The following HYCC1 variants were observed in gnomAD, a reference collection of about 807,000 sequenced individuals.
HYCC1 encodes the protein hyccin PI4KA lipid kinase complex subunit 1.
chr7:22,978,395 C>T, the HYCC1 span: 23 of 1,613,940 alleles, frequency 1.4e-5, no homozygotes, highest in South Asian at 4.4e-5. Flanking sequence ...GAAGCAACTG[C>T]TCCTCTCCAC....
At chr7:23,010,269 C>T in the HYCC1 span, among the ~76,000 whole-genome samples, 1 of 152,182 alleles carries the variant, frequency 6.6e-6, no homozygotes, top group Non-Finnish European at 1.5e-5. Context: ...CCATTCACTT[C>T]TATCTCCTCA....
At chr7:23,002,139 TA>T in the HYCC1 span, among the ~76,000 whole-genome samples, 1 of 8,460 alleles carries the variant, frequency 1.2e-4, no homozygotes, top group African/African-American at 6.5e-4. Flanking sequence ...AAAAATTGTA[TA>T]TATATATATA....
the HYCC1 span, among the ~76,000 whole-genome samples, chr7:22,961,870 TGC>T: frequency 2.0e-5 from 3 of 152,010 alleles, no homozygotes; most frequent in African/African-American, 7.3e-5. Context: ...TGTGTGTGTG[TGC>T]ATGTGTGAGT....
At chr7:23,010,301 T>C in the HYCC1 span, among the ~76,000 whole-genome samples, 1 of 152,204 alleles carries the variant, frequency 6.6e-6, no homozygotes, top group Non-Finnish European at 1.5e-5. Context: ...CCAATAATTA[T>C]CTCATTTCCT....
the HYCC1 span, among the ~76,000 whole-genome samples, chr7:22,962,875 A>T: frequency 6.6e-6 from 1 of 151,424 alleles, no homozygotes; most frequent in Non-Finnish European, 1.5e-5. Flanking sequence ...ACCTATCTGC[A>T]GTGGAGGCAT....
chr7:22,978,763 A>G, the HYCC1 span, among the ~76,000 whole-genome samples: 1 of 152,128 alleles, frequency 6.6e-6, no homozygotes, highest in South Asian at 2.1e-4. Flanking sequence ...GGGCTAAATA[A>G]CTACAGACTC....
chr7:22,919,669 T>C, the HYCC1 span, among the ~76,000 whole-genome samples: 1 of 151,506 alleles, frequency 6.6e-6, no homozygotes, highest in Non-Finnish European at 1.5e-5. Context: ...AATGAAAATT[T>C]AATAGAGGGG....
chr7:22,918,446 G>T, the HYCC1 span, among the ~76,000 whole-genome samples: 1 of 151,870 alleles, frequency 6.6e-6, no homozygotes, highest in Non-Finnish European at 1.5e-5. Flanking sequence ...AGCAGCCCTG[G>T]GAAACATGGC....
chr7:22,996,342 C>G, the HYCC1 span, among the ~76,000 whole-genome samples: 10 of 150,832 alleles, frequency 6.6e-5, no homozygotes, highest in East Asian at 1.9e-3. Context: ...AAAATGAATC[C>G]TGAAATATCA....
At chr7:22,946,069 C>G in the HYCC1 span, 15 of 1,613,522 alleles carry the variant, frequency 9.3e-6, no homozygotes, top group Admixed American at 1.7e-4. Flanking sequence ...TTGATAAACC[C>G]GACTGGCTGG....
At chr7:22,968,424 A>G in the HYCC1 span, among the ~76,000 whole-genome samples, 1 of 152,212 alleles carries the variant, frequency 6.6e-6, no homozygotes, top group Non-Finnish European at 1.5e-5. Context: ...AGCAACTTGA[A>G]CACATTGGAA....
chr7:22,968,768 C>A, the HYCC1 span, among the ~76,000 whole-genome samples: 1 of 152,108 alleles, frequency 6.6e-6, no homozygotes, highest in East Asian at 1.9e-4. Flanking sequence ...GCAGATGGAT[C>A]ACAAGGTCAG....
the HYCC1 span, chr7:22,940,764 C>G: frequency 2.0e-5 from 3 of 151,696 alleles, no homozygotes; most frequent in Admixed American, 2.0e-4. Flanking sequence ...TATCTAGGTA[C>G]TAGGGGCATA....
At chr7:22,938,445 C>A in the HYCC1 span, 1 of 152,174 alleles carries the variant, frequency 6.6e-6, no homozygotes, top group Non-Finnish European at 1.5e-5. Flanking sequence ...GACACACAAC[C>A]AAATCAAGGT....
the HYCC1 span, among the ~76,000 whole-genome samples, chr7:22,965,094 A>G: frequency 6.6e-6 from 1 of 150,958 alleles, no homozygotes; most frequent in Admixed American, 6.6e-5. Context: ...AGATCGAGCC[A>G]CTGCACTCCA....
At chr7:22,930,172 T>C in the HYCC1 span, among the ~76,000 whole-genome samples, 3 of 112,554 alleles carry the variant, frequency 2.7e-5, no homozygotes, top group South Asian at 2.9e-4. Context: ...AAGGGGAACA[T>C]CACACACCGG....
the HYCC1 span, among the ~76,000 whole-genome samples, chr7:22,960,739 G>T: frequency 5.9e-5 from 9 of 152,210 alleles, no homozygotes; most frequent in Non-Finnish European, 1.2e-4. Flanking sequence ...AGGTGTCTAG[G>T]AAGTCAGTCT....
the HYCC1 span, among the ~76,000 whole-genome samples, chr7:22,948,249 C>T: frequency 1.3e-5 from 2 of 152,040 alleles, no homozygotes; most frequent in African/African-American, 4.8e-5. Context: ...CTGTAGACCA[C>T]AAACCTGCTT....
At chr7:22,902,756 CA>C in the HYCC1 span, among the ~76,000 whole-genome samples, 1 of 151,856 alleles carries the variant, frequency 6.6e-6, no homozygotes, top group Non-Finnish European at 1.5e-5. Flanking sequence ...AAATCATGTA[CA>C]AAAATTAAGG....
Sources: allele counts gnomAD v4.1 joint callset (sites outside exome capture counted in the v4.1 genomes callset), GRCh38; gene constraint gnomAD v4.1.1; transcripts MANE v1.5; gene names NCBI Gene and HGNC (gene_info 2026-07-23, HGNC 2026-07-21).